Variants in HYAL4 observed in about 807,000 individuals in gnomAD.
The protein encoded by HYAL4 is hyaluronidase 4, also known as hyaluronidase-4.
Under a neutral mutation model 35.2 loss-of-function variants are expected in HYAL4, and 37 were observed. That is an observed-to-expected ratio of 1.05 (90% CI 0.81 to 1.38). The LOEUF (loss-of-function observed/expected upper bound fraction) is 1.38, where lower values mean the gene tolerates loss of function less well. HYAL4 is among the 40% of genes most tolerant of loss of function. HYAL4 has a pLI of 0.00. For missense variants in HYAL4, 572 were observed against 572.4 expected, an observed-to-expected ratio of 1.00 and a Z score of 0.01; for synonymous variants, 198 against 203.2, an observed-to-expected ratio of 0.97 and a Z score of 0.22.
the HYAL4 span, among the ~76,000 whole-genome samples, chr7:123,785,604 T>A: frequency 4.6e-5 from 7 of 152,328 alleles, no homozygotes; most frequent in African/African-American, 1.7e-4. The surrounding 1 kb of genome is among the most constrained non-coding windows in gnomAD (Gnocchi z 4.5). Flanking sequence ...ATGATACATA[T>A]ATTGTAAAGA....
intron 3 of HYAL4, among the ~76,000 whole-genome samples, chr7:123,871,408 T>C (rs569059521): frequency 6.0e-4 from 91 of 152,144 alleles, no homozygotes; most frequent in Middle Eastern, 3.4e-3. Flanking sequence ...GCCAGGCTGG[T>C]TTCGAACTCC....
chr7:123,825,290 T>C (rs1375280642), upstream of HYAL4, among the ~76,000 whole-genome samples: 1 of 152,132 alleles, frequency 6.6e-6, no homozygotes, highest in Non-Finnish European at 1.5e-5. Flanking sequence ...AAATCCAAAC[T>C]GTCACATAGA....
At chr7:123,790,296 C>T in the HYAL4 span, among the ~76,000 whole-genome samples, 1 of 152,078 alleles carries the variant, frequency 6.6e-6, no homozygotes, top group East Asian at 1.9e-4. Flanking sequence ...ATTAAAAATC[C>T]TGTGAGAAAA....
At chr7:123,871,174 CTT>C (rs1180201056) in intron 3 of HYAL4, among the ~76,000 whole-genome samples, 1 of 151,364 alleles carries the variant, frequency 6.6e-6, no homozygotes, top group African/African-American at 2.4e-5. Context: ...ACCCTATTGA[CTT>C]TAAAAATCTG....
chr7:123,823,738 TATATATAC>T, the HYAL4 span, among the ~76,000 whole-genome samples: 1 of 146,766 alleles, frequency 6.8e-6, no homozygotes, highest in Non-Finnish European at 1.5e-5. Context: ...TTTATATATA[TATATATAC>T]ACACACACAC....
At chr7:123,788,411 G>T in the HYAL4 span, among the ~76,000 whole-genome samples, 1 of 152,204 alleles carries the variant, frequency 6.6e-6, no homozygotes, top group East Asian at 1.9e-4. Flanking sequence ...ACAAATCTCT[G>T]TTCTTCAACC....
chr7:123,867,029 C>T (rs1282703525), intron 2 of HYAL4, among the ~76,000 whole-genome samples: 2 of 152,120 alleles, frequency 1.3e-5, no homozygotes, highest in African/African-American at 4.8e-5. Flanking sequence ...GACCTTGTGA[C>T]CATCTCGGCC....
chr7:123,772,426 T>C, the HYAL4 span, among the ~76,000 whole-genome samples: 1 of 152,088 alleles, frequency 6.6e-6, no homozygotes, highest in Non-Finnish European at 1.5e-5. Flanking sequence ...ACCTGAGACA[T>C]GTGACACTCT....
At chr7:123,788,188 G>A in the HYAL4 span, among the ~76,000 whole-genome samples, 1 of 152,106 alleles carries the variant, frequency 6.6e-6, no homozygotes, top group Non-Finnish European at 1.5e-5. Context: ...GCTGGGCCTG[G>A]TGGCACACAC....
At chr7:123,787,758 TG>T in the HYAL4 span, among the ~76,000 whole-genome samples, 2 of 152,192 alleles carry the variant, frequency 1.3e-5, no homozygotes, top group African/African-American at 4.8e-5. Context: ...GTTCAGTGTG[TG>T]TTTATTGAGA....
chr7:123,866,478 T>C (rs1806689061), intron 2 of HYAL4, among the ~76,000 whole-genome samples: 1 of 152,130 alleles, frequency 6.6e-6, no homozygotes, highest in Non-Finnish European at 1.5e-5. Context: ...GGGCTTTGCC[T>C]TCCAAGATAC....
intron 2 of HYAL4, among the ~76,000 whole-genome samples, chr7:123,850,776 A>G (rs1441437946): frequency 1.3e-5 from 2 of 152,190 alleles, no homozygotes; most frequent in African/African-American, 2.4e-5. Context: ...AGAACTGGCT[A>G]CAATCCTAGG....
the HYAL4 span, among the ~76,000 whole-genome samples, chr7:123,766,008 A>G: frequency 6.6e-6 from 1 of 152,108 alleles, no homozygotes; most frequent in Non-Finnish European, 1.5e-5. Flanking sequence ...GCCTAACTTC[A>G]TATCTTTCTC....
At chr7:123,874,705 C>T in intron 3 of HYAL4, 56 bp from the exon 4 acceptor site, 2 of 1,093,966 alleles carry the variant, frequency 1.8e-6, no homozygotes, top group Non-Finnish European at 2.8e-6. Flanking sequence ...GCGCCCAGCC[C>T]CTGGTGGATT....
intron 2 of HYAL4, among the ~76,000 whole-genome samples, chr7:123,864,497 A>T (rs1806644499): frequency 6.6e-6 from 1 of 152,102 alleles, no homozygotes; most frequent in African/African-American, 2.4e-5. Flanking sequence ...TAGGCGGATT[A>T]TGGAAGGGGG....
At chr7:123,871,587 AT>A (rs1183554928) in intron 3 of HYAL4, among the ~76,000 whole-genome samples, 1 of 152,188 alleles carries the variant, frequency 6.6e-6, no homozygotes, top group African/African-American at 2.4e-5. Flanking sequence ...CAATGTCTGA[AT>A]TTTAGAATGC....
the HYAL4 span, among the ~76,000 whole-genome samples, chr7:123,805,610 A>G: frequency 9.9e-5 from 15 of 152,124 alleles, no homozygotes; most frequent in African/African-American, 3.1e-4. Context: ...AAAGAAATAG[A>G]ATGATGGAGG....
At chr7:123,816,961 A>G in the HYAL4 span, among the ~76,000 whole-genome samples, 1 of 152,206 alleles carries the variant, frequency 6.6e-6, no homozygotes, top group African/African-American at 2.4e-5. Flanking sequence ...TAATGGAAGA[A>G]TGATTTCCTT....
chr7:123,819,102 C>T, the HYAL4 span, among the ~76,000 whole-genome samples: 1 of 152,186 alleles, frequency 6.6e-6, no homozygotes, highest in Non-Finnish European at 1.5e-5. Flanking sequence ...TCCCTCCTAA[C>T]CACCTCAGCC....
Sources: allele counts gnomAD v4.1 joint callset (sites outside exome capture counted in the v4.1 genomes callset), GRCh38; gene constraint gnomAD v4.1.1; non-coding constraint Gnocchi (gnomAD v3.1); transcripts MANE v1.5; gene names NCBI Gene and HGNC (gene_info 2026-07-23, HGNC 2026-07-21).